Variants in WWOX observed in about 807,000 individuals in gnomAD.
WWOX encodes WW domain-containing oxidoreductase.
WWOX carries 69 observed loss-of-function variants against 46.2 expected under a neutral mutation model. The observed-to-expected ratio is 1.49, with a 90% CI of 1.23 to 1.82. WWOX has a LOEUF of 1.82. WWOX is among the 40% of genes most tolerant of loss of function. The pLI is 0.00. For synonymous variants in WWOX, 359 were observed against 202.6 expected (o/e 1.77, Z -6.56); for missense variants, 919 against 542.6 (o/e 1.69, Z -6.89).
intron 4 of WWOX, among the ~76,000 whole-genome samples, chr16:78,132,174 G>T (rs1038042385): frequency 6.6e-6 from 1 of 151,592 alleles, no homozygotes; most frequent in Admixed American, 6.6e-5. Context: ...ACAGGTGCCC[G>T]CCACCACGCC....
intron 8 of WWOX, among the ~76,000 whole-genome samples, chr16:79,142,865 A>C (rs1351852784): frequency 6.6e-6 from 1 of 151,930 alleles, no homozygotes; most frequent in African/African-American, 2.4e-5. Context: ...TGCTGAGCTA[A>C]TTTTTATATA....
At chr16:78,727,845 C>CTT (rs908983054) in intron 8 of WWOX, among the ~76,000 whole-genome samples, 2 of 151,926 alleles carry the variant, frequency 1.3e-5, no homozygotes. Flanking sequence ...ATCAGTGCTT[C>CTT]TTGGATATTT....
At chr16:78,198,947 C>A (rs2036144874) in intron 5 of WWOX, among the ~76,000 whole-genome samples, 1 of 152,094 alleles carries the variant, frequency 6.6e-6, no homozygotes, top group Non-Finnish European at 1.5e-5. Flanking sequence ...CCTGATCAAT[C>A]CCTCTACCTC....
intron 8 of WWOX, among the ~76,000 whole-genome samples, chr16:78,670,013 G>T (rs1028918456): frequency 6.6e-6 from 1 of 151,998 alleles, no homozygotes; most frequent in Admixed American, 6.6e-5. Flanking sequence ...TATTTGGCTC[G>T]TTTTTCTTTT....
intron 8 of WWOX, among the ~76,000 whole-genome samples, chr16:79,187,643 G>A (rs1217842631): frequency 6.6e-6 from 1 of 152,192 alleles, no homozygotes; most frequent in African/African-American, 2.4e-5. Context: ...CTGACCTCAA[G>A]TGATCGGCCT....
At chr16:78,382,431 C>G (rs1043762961) in intron 5 of WWOX, among the ~76,000 whole-genome samples, 7 of 152,314 alleles carry the variant, frequency 4.6e-5, no homozygotes, top group Admixed American at 2.0e-4. Context: ...GCTGGGCCCA[C>G]TGACCTACAA....
chr16:78,909,720 AC>A (rs1283485380), intron 8 of WWOX, among the ~76,000 whole-genome samples: 5 of 152,210 alleles, frequency 3.3e-5, no homozygotes, highest in African/African-American at 1.2e-4. Flanking sequence ...TTTAAGCAAA[AC>A]CATATGCATC....
chr16:78,972,546 G>T (rs1427962953), intron 8 of WWOX, among the ~76,000 whole-genome samples: 1 of 151,624 alleles, frequency 6.6e-6, no homozygotes, highest in Non-Finnish European at 1.5e-5. Flanking sequence ...GGAGGGTGAA[G>T]AGTAGCAAAT....
chr16:78,833,482 T>C (rs2051889489), intron 8 of WWOX, among the ~76,000 whole-genome samples: 2 of 152,166 alleles, frequency 1.3e-5, no homozygotes, highest in Non-Finnish European at 2.9e-5. Context: ...ATCATTGTCC[T>C]CTTCTGCGAG....
At chr16:78,950,118 T>C (rs2046028828) in intron 8 of WWOX, among the ~76,000 whole-genome samples, 1 of 152,234 alleles carries the variant, frequency 6.6e-6, no homozygotes, top group African/African-American at 2.4e-5. Flanking sequence ...CACATGTTTT[T>C]GTTTTTGTAT....
chr16:78,906,467 G>C (rs539032209), intron 8 of WWOX, among the ~76,000 whole-genome samples: 1 of 152,234 alleles, frequency 6.6e-6, no homozygotes, highest in East Asian at 1.9e-4. Context: ...GTCATCAGCA[G>C]GGAGTTTTCT....
At chr16:78,965,953 A>G (rs1315136709) in intron 8 of WWOX, among the ~76,000 whole-genome samples, 2 of 152,198 alleles carry the variant, frequency 1.3e-5, no homozygotes, top group African/African-American at 4.8e-5. Flanking sequence ...GCTCCAAAGT[A>G]GAGTTGGAGG....
chr16:78,408,296 T>A (rs1195361180), intron 6 of WWOX, among the ~76,000 whole-genome samples: 1 of 152,178 alleles, frequency 6.6e-6, no homozygotes, highest in African/African-American at 2.4e-5. Flanking sequence ...AGTGTTGCCT[T>A]CACTTTAACC....
At chr16:78,199,403 G>T (rs974989206) in intron 5 of WWOX, among the ~76,000 whole-genome samples, 3 of 152,140 alleles carry the variant, frequency 2.0e-5, no homozygotes, top group African/African-American at 7.2e-5. Flanking sequence ...TAAAATATGA[G>T]AAGCAATAAA....
chr16:79,049,145 C>G (rs1202524322), intron 8 of WWOX, among the ~76,000 whole-genome samples: 1 of 152,196 alleles, frequency 6.6e-6, no homozygotes, highest in Non-Finnish European at 1.5e-5. Context: ...GACTTTGTGA[C>G]CCATACAGTC....
At chr16:78,394,848 T>C (rs1048453203) in intron 6 of WWOX, among the ~76,000 whole-genome samples, 2 of 152,178 alleles carry the variant, frequency 1.3e-5, no homozygotes, top group Non-Finnish European at 1.5e-5. Flanking sequence ...CCTGGAGTAG[T>C]GTAAAGAACG....
chr16:79,102,315 C>T (rs545554982), intron 8 of WWOX, among the ~76,000 whole-genome samples: 5 of 152,154 alleles, frequency 3.3e-5, no homozygotes, highest in Non-Finnish European at 5.9e-5. Context: ...CTCTAGGACT[C>T]AGCTACCTCA....
chr16:78,366,201 C>A (rs187741090), intron 5 of WWOX, among the ~76,000 whole-genome samples: 2 of 152,284 alleles, frequency 1.3e-5, no homozygotes, highest in African/African-American at 4.8e-5. Context: ...CTTTCATGTT[C>A]AAGAAGACTT....
At chr16:78,387,348 T>G (rs1263212030) in intron 6 of WWOX, among the ~76,000 whole-genome samples, 1 of 152,184 alleles carries the variant, frequency 6.6e-6, no homozygotes, top group African/African-American at 2.4e-5. Flanking sequence ...AGGTTGACAA[T>G]CCAAGCACCC....
Sources: gnomAD v4.1 joint callset for allele counts (sites outside exome capture counted in the v4.1 genomes callset) on GRCh38, gnomAD v4.1.1 for gene constraint, MANE v1.5 for transcripts, NCBI Gene and HGNC (gene_info 2026-07-23, HGNC 2026-07-21) for gene names.